Variants in DGKI observed in about 807,000 individuals in gnomAD.
DGKI encodes DAG kinase iota.
DGKI carries 55 observed loss-of-function variants against 147.5 expected under a neutral mutation model. That is an observed-to-expected ratio of 0.37 (90% CI 0.30 to 0.47). The LOEUF is 0.47. Ranked by LOEUF, DGKI falls within the 20% of genes least tolerant of loss-of-function variation. The pLI is 1.00. For missense variants in DGKI, 1,007 were observed against 1,323.8 expected, an observed-to-expected ratio of 0.76 and a Z score of 3.71; for synonymous variants, 469 against 477.1, an observed-to-expected ratio of 0.98 and a Z score of 0.22.
chr7:137,833,155 T>C (rs979436064), intron 1 of DGKI, among the ~76,000 whole-genome samples: 7 of 152,214 alleles, frequency 4.6e-5, no homozygotes, highest in Admixed American at 3.9e-4. Context: ...TGTTACCCAG[T>C]TCCAAAGTCG....
At chr7:137,804,697 T>C (rs941531805) in intron 1 of DGKI, among the ~76,000 whole-genome samples, 2 of 152,224 alleles carry the variant, frequency 1.3e-5, no homozygotes, top group African/African-American at 4.8e-5. Context: ...AGGAAATGGA[T>C]ATATTTCTTT....
chr7:137,779,593 A>C (rs1796458880), intron 1 of DGKI, among the ~76,000 whole-genome samples: 1 of 152,180 alleles, frequency 6.6e-6, no homozygotes, highest in South Asian at 2.1e-4. Context: ...GATTTTTTTA[A>C]CTCCTGCAAC....
chr7:137,712,244 T>A (rs1339204154), intron 1 of DGKI, among the ~76,000 whole-genome samples: 3 of 152,170 alleles, frequency 2.0e-5, no homozygotes, highest in African/African-American at 7.2e-5. Flanking sequence ...CCCTTTGTTA[T>A]TAAAATGGGT....
intron 6 of DGKI, among the ~76,000 whole-genome samples, chr7:137,636,955 G>A (rs1285060428): frequency 2.0e-5 from 3 of 152,152 alleles, no homozygotes; most frequent in Non-Finnish European, 4.4e-5. Flanking sequence ...CATGCTTCTT[G>A]TACAGCCTGC....
intron 3 of DGKI, among the ~76,000 whole-genome samples, chr7:137,661,823 G>A (rs1299178187): frequency 1.3e-5 from 2 of 152,146 alleles, no homozygotes; most frequent in Non-Finnish European, 2.9e-5. Flanking sequence ...TTCAATGGCG[G>A]GGCTAATGGA....
At chr7:137,828,061 G>A (rs147458990) in intron 1 of DGKI, among the ~76,000 whole-genome samples, 6 of 152,168 alleles carry the variant, frequency 3.9e-5, no homozygotes, top group African/African-American at 1.4e-4. Flanking sequence ...CTGACCGCCC[G>A]CTCTCTTTGT....
At chr7:137,629,696 C>A (rs1821063977) in intron 6 of DGKI, among the ~76,000 whole-genome samples, 2 of 152,294 alleles carry the variant, frequency 1.3e-5, no homozygotes, top group East Asian at 3.9e-4. Context: ...CAGTTTTTAA[C>A]CAGCAAAACC....
At chr7:137,457,276 G>A (rs1190563770) in intron 27 of DGKI, among the ~76,000 whole-genome samples, 2 of 152,114 alleles carry the variant, frequency 1.3e-5, no homozygotes, top group Non-Finnish European at 2.9e-5. Flanking sequence ...ATATATTTCA[G>A]CAAAACCTGC....
intron 20 of DGKI, among the ~76,000 whole-genome samples, chr7:137,535,538 C>T (rs1247832322): frequency 6.6e-6 from 1 of 152,022 alleles, no homozygotes; most frequent in Non-Finnish European, 1.5e-5. Flanking sequence ...CAAACTTTCT[C>T]CTTTACCCCC....
At chr7:137,463,375 A>G (rs1189520599) in intron 27 of DGKI, 114 bp downstream of exon 27, 1 of 1,442,096 alleles carries the variant, frequency 6.9e-7, no homozygotes, top group Non-Finnish European at 9.4e-7. Context: ...CCTGCATGAG[A>G]CAGCCTGAGC....
chr7:137,513,854 G>A (rs1025143230), intron 21 of DGKI: 1 of 697,576 alleles, frequency 1.4e-6, no homozygotes, highest in Non-Finnish European at 2.6e-6. Context: ...GGAAACCTCT[G>A]CGCCATGAGA....
At chr7:137,662,565 A>C (rs1822481285) in intron 3 of DGKI, among the ~76,000 whole-genome samples, 1 of 151,968 alleles carries the variant, frequency 6.6e-6, no homozygotes, top group African/African-American at 2.4e-5. Flanking sequence ...TTTTATCCTC[A>C]GTATATCACT....
At chr7:137,715,608 C>T (rs553898602) in intron 1 of DGKI, among the ~76,000 whole-genome samples, 59 of 152,294 alleles carry the variant, frequency 3.9e-4, no homozygotes, top group Admixed American at 9.2e-4. Context: ...TCACTTAGGG[C>T]AATACTATGG....
At chr7:137,537,353 C>T (rs907337195) in intron 20 of DGKI, among the ~76,000 whole-genome samples, 3 of 152,144 alleles carry the variant, frequency 2.0e-5, no homozygotes, top group Non-Finnish European at 4.4e-5. Context: ...TTAAATTCTA[C>T]GAATGTAGCA....
intron 21 of DGKI, among the ~76,000 whole-genome samples, chr7:137,517,345 GAAAGAA>G (rs2128950490): frequency 8.8e-6 from 1 of 114,004 alleles, no homozygotes; most frequent in South Asian, 3.2e-4. Context: ...GAAAGAGAAA[GAAAGAA>G]AGAAGGAAAG....
intron 19 of DGKI, among the ~76,000 whole-genome samples, chr7:137,562,164 G>T (rs1341692334): frequency 6.6e-6 from 1 of 152,140 alleles, no homozygotes; most frequent in Non-Finnish European, 1.5e-5. Flanking sequence ...TTCTTTAAAA[G>T]TAACAATTGT....
At chr7:137,414,507 G>A (rs75658168) in intron 28 of DGKI, among the ~76,000 whole-genome samples, 269 of 145,872 alleles carry the variant, frequency 1.8e-3, no homozygotes, top group South Asian at 0.011. Flanking sequence ...ATGAAAATAA[G>A]AGAAAGGGAA....
intron 1 of DGKI, among the ~76,000 whole-genome samples, chr7:137,721,349 T>C (rs1794551587): frequency 6.6e-6 from 1 of 152,202 alleles, no homozygotes; most frequent in South Asian, 2.1e-4. Flanking sequence ...GATCAACTAA[T>C]TGGTCCCTAT....
chr7:137,549,038 AAC>A (rs1452854801), intron 20 of DGKI, among the ~76,000 whole-genome samples: 6 of 152,224 alleles, frequency 3.9e-5, no homozygotes, highest in Non-Finnish European at 8.8e-5. Context: ...AAAATGGACT[AAC>A]ACAGGTGTAT....
Sources: gnomAD v4.1 joint callset for allele counts (sites outside exome capture counted in the v4.1 genomes callset) on GRCh38, gnomAD v4.1.1 for gene constraint, MANE v1.5 for transcripts, NCBI Gene and HGNC (gene_info 2026-07-23, HGNC 2026-07-21) for gene names.